The following LRP1B variants were observed in gnomAD, a reference collection of about 807,000 sequenced individuals.
LRP1B encodes the protein LDL receptor related protein 1B.
A neutral mutation model predicts 556.6 loss-of-function variants in LRP1B; 217 were observed. The observed-to-expected ratio is 0.39, with a 90% CI of 0.35 to 0.44. The LOEUF (loss-of-function observed/expected upper bound fraction) is 0.44. Among genes scored for constraint, LRP1B ranks in the 20% least tolerant of loss-of-function variants. The pLI is 1.00. For synonymous variants in LRP1B, 2,047 were observed against 1,865.8 expected, an observed-to-expected ratio of 1.10 and a Z score of -2.50; for missense variants, 5,053 against 5,620.8, an observed-to-expected ratio of 0.90 and a Z score of 3.23.
At chr2:140,389,166 A>G (rs1200479893) in intron 66 of LRP1B, among the ~76,000 whole-genome samples, 1 of 152,116 alleles carries the variant, frequency 6.6e-6, no homozygotes, top group East Asian at 1.9e-4. Context: ...ATTATCACAT[A>G]ATATATGTGG....
At chr2:140,285,101 CTATA>C (rs942881642) in intron 84 of LRP1B, among the ~76,000 whole-genome samples, 17 of 148,562 alleles carry the variant, frequency 1.1e-4, no homozygotes, top group Admixed American at 2.7e-4. Context: ...ATCTCTCTCT[CTATA>C]TATATATGTG....
chr2:140,661,209 G>C (rs1422086176), intron 41 of LRP1B, among the ~76,000 whole-genome samples: 1 of 152,034 alleles, frequency 6.6e-6, no homozygotes, highest in Non-Finnish European at 1.5e-5. Flanking sequence ...CAGTCACTGG[G>C]TAAAGAGTGC....
intron 7 of LRP1B, among the ~76,000 whole-genome samples, chr2:141,098,712 C>T (rs1412448914): frequency 6.6e-6 from 1 of 152,142 alleles, no homozygotes; most frequent in African/African-American, 2.4e-5. Context: ...GGCTGGGGTG[C>T]GATGGCACGA....
chr2:141,110,472 A>G (rs2104964301), intron 7 of LRP1B, among the ~76,000 whole-genome samples: 2 of 152,274 alleles, frequency 1.3e-5, no homozygotes, highest in South Asian at 4.1e-4. Flanking sequence ...TATGAGGTCT[A>G]CAAAGGAAGT....
intron 7 of LRP1B, among the ~76,000 whole-genome samples, chr2:141,140,661 G>A (rs1384955586): frequency 6.6e-6 from 1 of 152,040 alleles, no homozygotes; most frequent in Non-Finnish European, 1.5e-5. Flanking sequence ...GACGTCTTAG[G>A]GGAAACCAAA....
intron 2 of LRP1B, among the ~76,000 whole-genome samples, chr2:141,676,909 A>T (rs1329710646): frequency 6.6e-6 from 1 of 152,190 alleles, no homozygotes; most frequent in African/African-American, 2.4e-5. Context: ...GCAATATTCT[A>T]GAATTTAGAG....
intron 53 of LRP1B, among the ~76,000 whole-genome samples, chr2:140,505,330 G>T (rs1689363384): frequency 6.6e-6 from 1 of 152,042 alleles, no homozygotes; most frequent in Non-Finnish European, 1.5e-5. Flanking sequence ...AGGCTCTCCA[G>T]CTCTGGAGTT....
chr2:140,911,392 T>C (rs772609110), intron 21 of LRP1B, among the ~76,000 whole-genome samples: 20 of 151,794 alleles, frequency 1.3e-4, no homozygotes, highest in South Asian at 1.0e-3. Context: ...AATACTCTTG[T>C]GCTGCTTTAT....
intron 86 of LRP1B, among the ~76,000 whole-genome samples, chr2:140,251,391 C>T (rs1042367069): frequency 6.6e-6 from 1 of 151,658 alleles, no homozygotes; most frequent in Non-Finnish European, 1.5e-5. Flanking sequence ...TTGTCCTTCC[C>T]GTAACAATGA....
chr2:140,418,868 T>A (rs34106853), intron 66 of LRP1B, among the ~76,000 whole-genome samples: 1 of 152,008 alleles, frequency 6.6e-6, no homozygotes, highest in African/African-American at 2.4e-5. Context: ...TTGTCTTCCA[T>A]GAAACTGGTC....
At chr2:141,280,361 C>T (rs1039454897) in intron 3 of LRP1B, among the ~76,000 whole-genome samples, 5 of 151,988 alleles carry the variant, frequency 3.3e-5, no homozygotes, top group African/African-American at 9.7e-5. Context: ...TTAAATGTGT[C>T]TTTTGATGTC....
chr2:140,280,510 G>T (rs1276306587), intron 84 of LRP1B, among the ~76,000 whole-genome samples: 1 of 151,638 alleles, frequency 6.6e-6, no homozygotes, highest in Non-Finnish European at 1.5e-5. Flanking sequence ...TGGAAAGGAT[G>T]AATTCATAAT....
At chr2:141,972,492 T>G (rs560180419) in intron 1 of LRP1B, among the ~76,000 whole-genome samples, 2 of 151,424 alleles carry the variant, frequency 1.3e-5, no homozygotes, top group South Asian at 2.1e-4. Flanking sequence ...CCACATGAAA[T>G]GAAGGAGGAA....
chr2:141,804,255 C>T (rs563227756), intron 2 of LRP1B, among the ~76,000 whole-genome samples: 21 of 152,208 alleles, frequency 1.4e-4, no homozygotes, highest in Admixed American at 4.6e-4. Flanking sequence ...CTTTCCCTAA[C>T]AAGAGCTAAC....
At position 142,129,583 on chromosome 2, in the gene LRP1B, T is replaced by TC. The variant is rs1491546936; in HGVS notation, c.82+1064_82+1065insG. 1.0e-3 allele frequency among the ~76,000 whole-genome samples: 124 copies of TC among 118,498 alleles called. 1 individual carries two copies. Among genetic ancestry groups the TC allele is most frequent in the African/African-American group, 3.2e-3 (103 of 31,922 alleles). 77.7% of individuals were successfully genotyped at this position (118,498 alleles called of 152,430 possible). The stretch of plus-strand genomic sequence containing the variant: ...ATTGGGATCTGGGTTTCTTTCTCTC[T>TC]TTCTCTCTCTCTCTCTCTCTCTCTC... On this transcript the variant is annotated intron_variant, in intron 1 of 90. Transcript: ENST00000389484.
At chr2:140,710,722 G>C (rs1238584559) in intron 37 of LRP1B, among the ~76,000 whole-genome samples, 1 of 151,780 alleles carries the variant, frequency 6.6e-6, no homozygotes, top group Non-Finnish European at 1.5e-5. Flanking sequence ...ATTCTTGGAT[G>C]GACTATCAGT....
chr2:141,761,544 G>A (rs554461763), intron 2 of LRP1B, among the ~76,000 whole-genome samples: 1 of 152,002 alleles, frequency 6.6e-6, no homozygotes, highest in East Asian at 1.9e-4. Flanking sequence ...TGATACAAAG[G>A]AAAAGCTTGA....
At chr2:141,940,814 A>T (rs1369711151) in intron 1 of LRP1B, among the ~76,000 whole-genome samples, 1 of 152,202 alleles carries the variant, frequency 6.6e-6, no homozygotes, top group African/African-American at 2.4e-5. Flanking sequence ...AGAGACAAAG[A>T]ATTTAAGAAC....
At chr2:141,406,214 T>A (rs34894709) in intron 3 of LRP1B, among the ~76,000 whole-genome samples, 9,004 of 152,156 alleles carry the variant, frequency 0.059, 520 homozygotes, top group African/African-American at 0.15. Flanking sequence ...AAATAAAACA[T>A]AAGCCTTTCT....
Sources: gnomAD v4.1 joint callset for allele counts (sites outside exome capture counted in the v4.1 genomes callset) on GRCh38, gnomAD v4.1.1 for gene constraint, MANE v1.5 for transcripts, NCBI Gene and HGNC (gene_info 2026-07-23, HGNC 2026-07-21) for gene names.